Variants in GRIA4 observed in about 807,000 individuals in gnomAD.
GRIA4 encodes glutamate receptor 4.
A neutral mutation model predicts 104.0 loss-of-function variants in GRIA4; 34 were observed. The ratio of observed to expected loss-of-function variants is 0.33; its 90% CI spans 0.25 to 0.44. The LOEUF (loss-of-function observed/expected upper bound fraction) is 0.44. Ranked by LOEUF, GRIA4 falls within the 20% of genes least tolerant of loss-of-function variation. The pLI, the probability that GRIA4 is intolerant of heterozygous loss-of-function variation, is 1.00. For synonymous variants in GRIA4, 386 were observed against 381.9 expected (o/e 1.01, Z -0.13); for missense variants, 750 against 1,096.5 (o/e 0.68, Z 4.46).
intron 14 of GRIA4, chr11:105,965,838 G>A (rs1858334084): frequency 2.6e-6 from 2 of 782,306 alleles, no homozygotes; most frequent in Non-Finnish European, 2.2e-6. Flanking sequence ...GGTAAAATGA[G>A]AGGTTTATTT....
chr11:105,698,662 T>C (rs1483148675), intron 3 of GRIA4, among the ~76,000 whole-genome samples: 1 of 152,150 alleles, frequency 6.6e-6, no homozygotes, highest in East Asian at 1.9e-4. Context: ...AGAATGTGCA[T>C]AAAAAATCAC....
chr11:105,906,067 A>G (rs904193354), intron 9 of GRIA4, among the ~76,000 whole-genome samples: 1 of 152,090 alleles, frequency 6.6e-6, no homozygotes, highest in African/African-American at 2.4e-5. Flanking sequence ...CTTATCTAAA[A>G]GCTGTATTTG....
chr11:105,922,719 A>C (rs927408994), intron 11 of GRIA4, among the ~76,000 whole-genome samples: 5 of 152,186 alleles, frequency 3.3e-5, no homozygotes, highest in Non-Finnish European at 7.4e-5. Context: ...TTTTTAAAAG[A>C]AATTAAAAAT....
chr11:105,667,558 T>C (rs1952206062), intron 3 of GRIA4, among the ~76,000 whole-genome samples: 1 of 152,048 alleles, frequency 6.6e-6, no homozygotes, highest in African/African-American at 2.4e-5. Flanking sequence ...CTCCCCATTA[T>C]TTGTTTTACT....
intron 6 of GRIA4, among the ~76,000 whole-genome samples, chr11:105,893,383 T>A (rs750208038): frequency 2.0e-5 from 3 of 152,086 alleles, no homozygotes; most frequent in Non-Finnish European, 4.4e-5. Flanking sequence ...ATTTTCTATA[T>A]GAAATTGTAA....
intron 3 of GRIA4, among the ~76,000 whole-genome samples, chr11:105,723,839 G>A (rs966811722): frequency 1.3e-4 from 19 of 151,844 alleles, no homozygotes; most frequent in African/African-American, 3.6e-4. Flanking sequence ...TCAATGCAGC[G>A]TCACCAACAA....
At chr11:105,681,171 T>G (rs961158084) in intron 3 of GRIA4, among the ~76,000 whole-genome samples, 2 of 152,192 alleles carry the variant, frequency 1.3e-5, no homozygotes, top group Non-Finnish European at 2.9e-5. Context: ...AATAAGTAGT[T>G]GAAAACACTA....
intron 4 of GRIA4, among the ~76,000 whole-genome samples, chr11:105,772,254 G>A (rs1038101800): frequency 1.3e-5 from 2 of 152,088 alleles, no homozygotes; most frequent in Non-Finnish European, 1.5e-5. Context: ...CAACGTACCC[G>A]TGCCACTGGC....
At chr11:105,896,941 CA>C (rs1270051148) in intron 6 of GRIA4, among the ~76,000 whole-genome samples, 1 of 151,948 alleles carries the variant, frequency 6.6e-6, no homozygotes, top group Non-Finnish European at 1.5e-5. Context: ...TCTAGTTCTG[CA>C]AGAAATAATG....
At chr11:105,777,246 T>C (rs1392121276) in intron 4 of GRIA4, among the ~76,000 whole-genome samples, 1 of 152,320 alleles carries the variant, frequency 6.6e-6, no homozygotes, top group East Asian at 1.9e-4. Context: ...GGGAAAAACA[T>C]GTTTTAAGAG....
chr11:105,903,389 T>C (rs553065746), intron 7 of GRIA4, among the ~76,000 whole-genome samples: 1 of 152,330 alleles, frequency 6.6e-6, no homozygotes, highest in South Asian at 2.1e-4. Context: ...TTGCTAGGCC[T>C]TTTGGAGCAG....
At chr11:105,647,959 A>AAAAT (rs57841251) in intron 3 of GRIA4, among the ~76,000 whole-genome samples, 2,418 of 147,914 alleles carry the variant, frequency 0.016, 39 homozygotes, top group East Asian at 0.056. Flanking sequence ...CCCCTGTATG[A>AAAAT]AAATAAATAA....
In GRIA4 at chr11:105,903,893, T is replaced by A; in HGVS notation, c.965T>A (p.Ile322Asn). The A allele has an allele frequency of 6.2e-7, 1 of 1,612,930 alleles. No individual in the cohort carries two copies. Among genetic ancestry groups the A allele is most frequent in the Non-Finnish European group, 8.5e-7 (1 of 1,178,952 alleles). ...FRSLRRQKID[I>N]SRRGNAGDCL... ...AGTCTTAGGAGGCAGAAAATTGATA[T>A]CTCAAGGAGAGGAAATGCTGGGGAT... The change falls in exon 8 of 17, where the codon ATC becomes AAC. Residue 322 changes from isoleucine to asparagine, a missense_variant. Ile to Asn is a moderately radical substitution (Grantham distance 149). This residue lies in a region of GRIA4 where 410 missense variants were observed against 502.7 expected (regional missense o/e 0.82). Transcript: ENST00000282499.
At position 105,903,797 on chromosome 11, in the gene GRIA4, C is replaced by G; in HGVS notation, c.886-17C>G. 6 of 1,562,876 alleles carry G rather than the reference C, an allele frequency of 3.8e-6. No individual in the cohort carries two copies. The highest frequency in any genetic ancestry group is 5.3e-6 in the Non-Finnish European group (6 of 1,135,262). On this transcript the variant is annotated splice_polypyrimidine_tract_variant and intron_variant, in intron 7 of 16. Transcript: ENST00000282499. ...AGATTTTAACATTTACCATTATGTT[C>G]ATTTTCATTTGGTTAGTACACCTCT...
intron 3 of GRIA4, among the ~76,000 whole-genome samples, chr11:105,680,975 G>A (rs1031846343): frequency 3.3e-5 from 5 of 152,084 alleles, no homozygotes; most frequent in East Asian, 3.9e-4. Flanking sequence ...AGTGAATTCC[G>A]TGTGGACTGG....
chr11:105,618,813 A>C (rs1950665568), intron 3 of GRIA4, among the ~76,000 whole-genome samples: 1 of 151,860 alleles, frequency 6.6e-6, no homozygotes, highest in Admixed American at 6.6e-5. Context: ...TGAAAGTCAA[A>C]CCCTAGGAAG....
intron 4 of GRIA4, among the ~76,000 whole-genome samples, chr11:105,805,494 A>C (rs1274357817): frequency 1.3e-5 from 2 of 150,734 alleles, no homozygotes; most frequent in Admixed American, 6.6e-5. Flanking sequence ...AAAAAAAAAA[A>C]AACAAGCCAC....
intron 3 of GRIA4, among the ~76,000 whole-genome samples, chr11:105,652,927 ACACAGAGTCTGGCTCTGT>A (rs148881355): frequency 0.011 from 1,689 of 152,188 alleles, 33 homozygotes; most frequent in East Asian, 0.047. Flanking sequence ...TTCATGTTTG[ACACAGAGTCTGGCTCTGT>A]CACCCAGGCT....
At chr11:105,666,281 A>G (rs1337243693) in intron 3 of GRIA4, among the ~76,000 whole-genome samples, 2 of 152,052 alleles carry the variant, frequency 1.3e-5, no homozygotes, top group African/African-American at 4.8e-5. Flanking sequence ...CAAACAATAT[A>G]TTTTGAATAC....
Sources: gnomAD v4.1 joint callset for allele counts (sites outside exome capture counted in the v4.1 genomes callset) on GRCh38, gnomAD v4.1.1 for gene constraint, gnomAD v4.1.1 regional missense constraint, MANE v1.5 for transcripts, NCBI Gene and HGNC (gene_info 2026-07-23, HGNC 2026-07-21) for gene names.